The following CD226 variants were observed in gnomAD, a reference collection of about 807,000 sequenced individuals.
CD226 encodes the protein CD226 antigen.
Under a neutral mutation model 34.9 loss-of-function variants are expected in CD226, and 24 were observed. That is an observed-to-expected ratio of 0.69 (90% CI 0.50 to 0.97). The LOEUF is 0.97. Ranked by LOEUF, CD226 falls within the 50% of genes least tolerant of loss-of-function variation. The pLI, the probability that CD226 is intolerant of heterozygous loss-of-function variation, is 0.00. For missense variants in CD226, 397 were observed against 412.7 expected, an observed-to-expected ratio of 0.96 and a Z score of 0.33; for synonymous variants, 148 against 147.4, an observed-to-expected ratio of 1.00 and a Z score of -0.03.
At chr18:69,933,285 G>C (rs2055610979) in intron 2 of CD226, among the ~76,000 whole-genome samples, 1 of 152,106 alleles carries the variant, frequency 6.6e-6, no homozygotes, top group Admixed American at 6.5e-5. Flanking sequence ...TCCAAAATCT[G>C]GACCTTCCAC....
intron 2 of CD226, among the ~76,000 whole-genome samples, chr18:69,905,768 G>C (rs756760152): frequency 6.9e-4 from 105 of 152,298 alleles, no homozygotes; most frequent in Non-Finnish European, 4.4e-5. Flanking sequence ...AGAACAAAGT[G>C]ATGAAAGCAC....
In CD226 at chr18:69,947,382, C is replaced by G. The variant is rs200385598; in HGVS notation, c.25G>C (p.Ala9Pro). 18 of 1,585,022 alleles carry G rather than the reference C, an allele frequency of 1.1e-5. No individual in the cohort carries two copies. Among genetic ancestry groups the G allele is most frequent in the Admixed American group, 1.9e-5 (1 of 53,704 alleles). The change falls in exon 1 of 6, where the codon GCT (alanine) becomes CCT (proline). Residue 9 changes from alanine to proline, a missense_variant. Transcript: ENST00000582621. Reference sequence around the variant, plus strand: ...TTACCTCTGTATACATGAAGAAGAGCCAAAAGTAAAGTAGGATAATCCATC... The same window carrying G: ...TTACCTCTGTATACATGAAGAAGAGGCAAAAGTAAAGTAGGATAATCCATC... The part of the protein sequence containing the change: MDYPTLLL[A>P]LLHVYRALCE...
intron 1 of CD226, among the ~76,000 whole-genome samples, chr18:69,955,862 CAAAAAAAA>C (rs10659184): frequency 3.8e-3 from 315 of 83,252 alleles, no homozygotes; most frequent in African/African-American, 0.013. Flanking sequence ...GACTCCATCT[CAAAAAAAA>C]AAAAAAAAAA....
chr18:69,864,961 TGATGAGTAATTTAAAAATTTA>T (rs1253398810), intron 5 of CD226, among the ~76,000 whole-genome samples: 1 of 152,168 alleles, frequency 6.6e-6, no homozygotes, highest in African/African-American at 2.4e-5. Flanking sequence ...AAAGGTCTTT[TGATGAGTAATTTAAAAATTTA>T]GATTGACCTT....
chr18:69,917,488 A>C (rs2055400020), intron 2 of CD226, among the ~76,000 whole-genome samples: 1 of 152,112 alleles, frequency 6.6e-6, no homozygotes, highest in Non-Finnish European at 1.5e-5. Flanking sequence ...ACACCCCCCC[A>C]ACACATGCAC....
rs576159495 is a variant in CD226, at chr18:69,924,564, C to A, written c.382+22170G>T. Among the ~76,000 whole-genome samples, 488 of 146,818 alleles carry A rather than the reference C, an allele frequency of 3.3e-3. 2 individuals are homozygous for A. Among genetic ancestry groups the A allele is most frequent in the East Asian group, 9.5e-3 (47 of 4,956 alleles). ...CCCTAGACTTACAAAAAAAAAAAAA[C>A]CAAAACATGTTTTTGAAAGTCCAGG... On this transcript the variant is annotated intron_variant, in intron 2 of 5. Transcript: ENST00000582621.
intron 2 of CD226, among the ~76,000 whole-genome samples, chr18:69,939,609 C>A (rs1353198915): frequency 6.6e-6 from 1 of 152,134 alleles, no homozygotes; most frequent in Non-Finnish European, 1.5e-5. Flanking sequence ...TCTTGGATAC[C>A]AAACAGAGTA....
At chr18:69,873,794 C>A (rs1456524973) in intron 3 of CD226, among the ~76,000 whole-genome samples, 3 of 152,104 alleles carry the variant, frequency 2.0e-5, no homozygotes, top group Non-Finnish European at 2.9e-5. Flanking sequence ...TCATTTGAAC[C>A]CCAGAGGCGG....
At chr18:69,950,246 TCTCA>T (rs1278105528), upstream of CD226, among the ~76,000 whole-genome samples, 1 of 151,746 alleles carries the variant, frequency 6.6e-6, no homozygotes, top group East Asian at 1.9e-4. Context: ...TTGCACACAC[TCTCA>T]CACACTCTGT....
chr18:69,906,445 A>G (rs886638227), intron 2 of CD226, among the ~76,000 whole-genome samples: 5 of 152,200 alleles, frequency 3.3e-5, no homozygotes, highest in African/African-American at 1.2e-4. Flanking sequence ...GACATGACCT[A>G]TGAAATAGAA....
chr18:69,887,486 G>A (rs1049126470), intron 3 of CD226, among the ~76,000 whole-genome samples: 6 of 152,200 alleles, frequency 3.9e-5, no homozygotes, highest in East Asian at 3.9e-4. Flanking sequence ...TACACATTGC[G>A]TCCCACAGAA....
chr18:69,892,406 T>A (rs2145233224), intron 3 of CD226, among the ~76,000 whole-genome samples: 1 of 152,316 alleles, frequency 6.6e-6, no homozygotes, highest in Admixed American at 6.5e-5. Flanking sequence ...ATAACTGTAG[T>A]CACTGTCAAT....
intron 2 of CD226, among the ~76,000 whole-genome samples, chr18:69,945,308 T>C (rs558492933): frequency 6.6e-6 from 1 of 152,304 alleles, no homozygotes; most frequent in South Asian, 2.1e-4. Context: ...ACCAACCCCA[T>C]TTCCTCTTCA....
rs558714875 is a variant in CD226 at position 69,901,609 on chromosome 18, A to G, written c.383-5564T>C. 2.8e-3 allele frequency among the ~76,000 whole-genome samples: 410 copies of G among 145,498 alleles called. 5 individuals are homozygous for G. The highest frequency in any genetic ancestry group is 0.015 in the Middle Eastern group (4 of 270). On this transcript the variant is annotated intron_variant, in intron 2 of 5. Transcript: ENST00000582621. ...AAAGTATTTATTTGTGCCCGGGCAC[A>G]GTGGCTCACACCTGTAATCCAGCAC...
intron 4 of CD226, 26 bp from the exon 5 acceptor site, chr18:69,867,437 A>G: frequency 7.1e-7 from 1 of 1,407,000 alleles, no homozygotes; most frequent in Admixed American, 1.7e-5. Context: ...AATAAAGGAT[A>G]TAAAGATATG....
chr18:69,893,151 G>A (rs1168496278), intron 3 of CD226, among the ~76,000 whole-genome samples: 1 of 152,146 alleles, frequency 6.6e-6, no homozygotes, highest in African/African-American at 2.4e-5. Context: ...GTCATCTTCT[G>A]TCAATGATAA....
intron 2 of CD226, 44 bp downstream of exon 2, chr18:69,946,690 A>G (rs10782036): frequency 0.97 from 1,218,805 of 1,254,258 alleles, 594,959 homozygotes; most frequent in East Asian, 1. Context: ...AAATGTTGTA[A>G]GTGGATAAAA....
At chr18:69,941,027 G>T (rs1333838867) in intron 2 of CD226, among the ~76,000 whole-genome samples, 1 of 152,242 alleles carries the variant, frequency 6.6e-6, no homozygotes, top group Non-Finnish European at 1.5e-5. Context: ...TCAGGCTGTT[G>T]CTTCAGAGGG....
chr18:69,935,805 A>T (rs1246416512), intron 2 of CD226, among the ~76,000 whole-genome samples: 1 of 152,238 alleles, frequency 6.6e-6, no homozygotes, highest in East Asian at 1.9e-4. Context: ...AATTCAGCCA[A>T]GCATACCCCT....
Sources: gnomAD v4.1 joint callset for allele counts (sites outside exome capture counted in the v4.1 genomes callset) on GRCh38, gnomAD v4.1.1 for gene constraint, MANE v1.5 for transcripts, NCBI Gene and HGNC (gene_info 2026-07-23, HGNC 2026-07-21) for gene names.